TBRG1: variants seen among roughly 807,000 people sequenced by gnomAD.
TBRG1 encodes nuclear interactor of ARF and MDM2.
Under a neutral mutation model 44.0 loss-of-function variants are expected in TBRG1, and 31 were observed. The observed-to-expected ratio is 0.70, with a 90% CI of 0.53 to 0.95. The LOEUF (loss-of-function observed/expected upper bound fraction) is 0.95. Among genes scored for constraint, TBRG1 ranks in the 40% least tolerant of loss-of-function variants. The probability of loss-of-function intolerance (pLI) is 0.00; values close to 1 mark genes in which losing one functional copy is unlikely to be tolerated. For synonymous variants in TBRG1, 171 were observed against 188.1 expected (o/e 0.91, Z 0.74); for missense variants, 487 against 496.1 (o/e 0.98, Z 0.18).
intron 5 of TBRG1, among the ~76,000 whole-genome samples, chr11:124,628,260 A>T (rs1942528968): frequency 6.7e-6 from 1 of 149,764 alleles, no homozygotes; most frequent in Non-Finnish European, 1.5e-5. Context: ...TGAATATTTT[A>T]TTCTATAAAT....
intron 1 of TBRG1, 54 bp downstream of exon 1, chr11:124,623,287 CT>C: frequency 6.5e-7 from 1 of 1,544,156 alleles, no homozygotes. Context: ...CTCACAAAAT[CT>C]TTCCCCAAGC....
intron 5 of TBRG1, among the ~76,000 whole-genome samples, chr11:124,628,202 C>CTTT (rs1156931940): frequency 6.9e-6 from 1 of 145,078 alleles, no homozygotes; most frequent in African/African-American, 2.5e-5. Context: ...TTTTATTCAT[C>CTTT]TTTTTGTCTA....
chr11:124,627,641 A>G (rs1355525140), intron 5 of TBRG1, among the ~76,000 whole-genome samples: 4 of 152,182 alleles, frequency 2.6e-5, no homozygotes, highest in Non-Finnish European at 5.9e-5. Context: ...AAAGTAAGGT[A>G]GAAGGAAGTA....
At chr11:124,631,039 C>G (rs184496822) in intron 7 of TBRG1, 184 bp downstream of exon 7, 4 of 632,016 alleles carry the variant, frequency 6.3e-6, no homozygotes, top group East Asian at 2.7e-5. Context: ...CTCCACTGTT[C>G]GCTGATTATT....
At chr11:124,629,227 T>C (rs1453893480) in intron 5 of TBRG1, among the ~76,000 whole-genome samples, 1 of 152,088 alleles carries the variant, frequency 6.6e-6, no homozygotes, top group Non-Finnish European at 1.5e-5. Flanking sequence ...TAGTCCCAGC[T>C]GCTGGGGAGG....
At chr11:124,631,589 C>A in intron 8 of TBRG1, 172 bp downstream of exon 8, 1 of 694,534 alleles carries the variant, frequency 1.4e-6, no homozygotes, top group Non-Finnish European at 2.5e-6. Flanking sequence ...TGCATAGCTT[C>A]CTAGATTACT....
At chr11:124,627,654 G>A (rs914616680) in intron 5 of TBRG1, among the ~76,000 whole-genome samples, 5 of 152,250 alleles carry the variant, frequency 3.3e-5, no homozygotes, top group Admixed American at 3.3e-4. Context: ...AGGAAGTAGA[G>A]GCAAGGTAAG....
In TBRG1 at chr11:124,635,353, A is replaced by T. The variant is rs1008416457; in HGVS notation, c.*3115A>T. 1 of 152,152 alleles carries T rather than the reference A, an allele frequency of 6.6e-6. No homozygotes were observed. Among genetic ancestry groups the T allele is most frequent in the East Asian group, 1.9e-4 (1 of 5,204 alleles). 9.4% of individuals were successfully genotyped at this position (152,152 alleles called of 1,614,324 possible). ...CCAACGTTCCTTGTAAAGTGTGTAG[A>T]TTTTTTGTTTTTTAACTAAATAAAA... is the stretch of plus-strand genomic sequence containing the variant. On this transcript the variant is annotated 3_prime_UTR_variant, in exon 9 of 9. Coordinates refer to ENST00000441174, the MANE Select transcript of TBRG1 (RefSeq NM_032811.3).
At position 124,635,166 on chromosome 11, in the gene TBRG1, T is replaced by C. The variant is rs1408024285; in HGVS notation, c.*2928T>C. 6.6e-6 allele frequency: 1 copy of C among 152,158 alleles called. No individual in the cohort carries two copies. The highest frequency in any genetic ancestry group is 1.5e-5 in the Non-Finnish European group (1 of 68,032). 9.4% of individuals were successfully genotyped at this position (152,158 alleles called of 1,614,324 possible). ...CGAATTAGAACAGCCCATGGGGGTA[T>C]GTGTATTGGGAGTGGAGGAGTGGAC... On this transcript the variant is annotated 3_prime_UTR_variant, in exon 9 of 9. Coordinates refer to ENST00000441174, the MANE Select transcript of TBRG1 (RefSeq NM_032811.3).
chr11:124,631,836 A>G (rs1188983889), intron 8 of TBRG1: 3 of 460,858 alleles, frequency 6.5e-6, no homozygotes, highest in African/African-American at 3.9e-5. Flanking sequence ...GGGGTCATAT[A>G]GGGAAAACTC....
chr11:124,623,297 G>A (rs1287464511), intron 1 of TBRG1, 64 bp downstream of exon 1: 3 of 1,525,478 alleles, frequency 2.0e-6, no homozygotes, highest in Non-Finnish European at 2.7e-6. Context: ...CTTTCCCCAA[G>A]CTGTTCCCCC....
intron 5 of TBRG1, among the ~76,000 whole-genome samples, chr11:124,628,106 TATATATATATACAC>T (rs1487311509): frequency 1.7e-3 from 90 of 51,578 alleles, no homozygotes; most frequent in Non-Finnish European, 2.1e-3. Context: ...TATATATATA[TATATATATATACAC>T]ACACACACAC....
rs1942695633 is a variant in TBRG1 at position 124,635,096 on chromosome 11, G to A, written c.*2858G>A. On this transcript the variant is annotated 3_prime_UTR_variant, in exon 9 of 9. Transcript: ENST00000441174. The stretch of plus-strand genomic sequence containing the variant: ...CTATGTACTCTAGGTTCCTGGAGGT[G>A]AAAGGAATCTGGACTTAGAGTTCTT... 1 of 152,216 alleles carries A rather than the reference G, an allele frequency of 6.6e-6. No homozygotes were observed. The allele number at this position is 152,216 out of a possible 1,614,324, so 9.4% of individuals were successfully genotyped here. A position where few individuals can be genotyped will look rare whatever the true frequency, so the allele number is the denominator to read the frequency against.
chr11:124,634,307 C>G lies in TBRG1; in HGVS notation c.*2069C>G, dbSNP rs1324772870. 6.6e-6 allele frequency: 1 copy of G among 152,278 alleles called. No homozygotes were observed. Among genetic ancestry groups the G allele is most frequent in the African/African-American group, 2.4e-5 (1 of 41,448 alleles). The allele number at this position is 152,278 out of a possible 1,614,324, so 9.4% of individuals were successfully genotyped here. On this transcript the variant is annotated 3_prime_UTR_variant, in exon 9 of 9. Transcript: ENST00000441174. ...CCGAGACCGCGCCACTGCACTCCAG[C>G]CTGGGCAACAGAGCAAAACTCCAAC...
chr11:124,629,860 T>C (rs1942572148), intron 5 of TBRG1: 1 of 153,206 alleles, frequency 6.5e-6, no homozygotes, highest in Non-Finnish European at 1.5e-5. Context: ...AATCAGCTAG[T>C]TAACTTGTTA....
intron 8 of TBRG1, chr11:124,631,768 G>A (rs1942616604): frequency 2.3e-6 from 1 of 435,684 alleles, no homozygotes; most frequent in East Asian, 4.5e-5. Flanking sequence ...CAAGGCCTTG[G>A]CCCTGCCTGT....
At chr11:124,631,918 A>AT in intron 8 of TBRG1, 175 bp from the exon 9 acceptor site, 1 of 596,174 alleles carries the variant, frequency 1.7e-6, no homozygotes, top group East Asian at 2.7e-5. Context: ...AAGTCACTTA[A>AT]TGTTTCAACC....
At chr11:124,623,366 A>T (rs1942384570) in intron 1 of TBRG1, 133 bp downstream of exon 1, 1 of 1,017,964 alleles carries the variant, frequency 9.8e-7, no homozygotes. Context: ...ACTACTTGTT[A>T]GCCTTGTGTC....
In TBRG1 at chr11:124,630,497, A is replaced by G. The variant is rs952256927; in HGVS notation, c.836+12A>G. ...ATAAGCACTACTATGTAAGTTGACCAAAAGCTTGAAAACAGGCTAAAAGAT... is the reference window on the plus strand; with the variant it reads ...ATAAGCACTACTATGTAAGTTGACCGAAAGCTTGAAAACAGGCTAAAAGAT... On this transcript the variant is annotated intron_variant, in intron 6 of 8. Coordinates refer to ENST00000441174, the MANE Select transcript of TBRG1 (RefSeq NM_032811.3). The G allele has an allele frequency of 1.9e-6, 3 of 1,579,676 alleles. No individual in the cohort carries two copies. Among genetic ancestry groups the G allele is most frequent in the Non-Finnish European group, 8.7e-7 (1 of 1,148,730 alleles).
Sources: gnomAD v4.1 joint callset for allele counts (sites outside exome capture counted in the v4.1 genomes callset) on GRCh38, gnomAD v4.1.1 for gene constraint, MANE v1.5 for transcripts, NCBI Gene and HGNC (gene_info 2026-07-23, HGNC 2026-07-21) for gene names.